The following RAD51B variants were observed in gnomAD, a reference collection of about 807,000 sequenced individuals.
The protein encoded by RAD51B is DNA repair protein RAD51 homolog 2.
In RAD51B, 38 loss-of-function variants were observed where a neutral mutation model predicts 42.2. That is an observed-to-expected ratio of 0.90 (90% CI 0.70 to 1.18). The LOEUF is 1.18. RAD51B is among the 50% of genes most tolerant of loss of function. The probability of loss-of-function intolerance (pLI) is 0.00; values close to 1 mark genes in which losing one functional copy is unlikely to be tolerated. For synonymous variants in RAD51B, 154 were observed against 145.2 expected (o/e 1.06, Z -0.43); for missense variants, 373 against 400.7 (o/e 0.93, Z 0.59).
chr14:68,408,798 T>C lies in RAD51B; in HGVS notation c.854-2626T>C, dbSNP rs111833858. ...AAGTTTTTTACAATTTTAAAATAAA[T>C]AAATAAGATGTGACTAACTATGAAC... On this transcript the variant is annotated intron_variant, in intron 8 of 10. Transcript: ENST00000471583. Among the ~76,000 whole-genome samples the C allele has an allele frequency of 3.3e-5, 5 of 152,240 alleles. 1 individual carries two copies. Among genetic ancestry groups the C allele is most frequent in the African/African-American group, 1.2e-4 (5 of 41,532 alleles).
intron 7 of RAD51B, among the ~76,000 whole-genome samples, chr14:68,098,129 T>C (rs2077226329): frequency 6.6e-6 from 1 of 152,254 alleles, no homozygotes; most frequent in Non-Finnish European, 1.5e-5. Context: ...ATCTAGGGGC[T>C]TTCTCTTAAT....
At chr14:68,395,392 A>C (rs941951191) in intron 8 of RAD51B, among the ~76,000 whole-genome samples, 1 of 152,180 alleles carries the variant, frequency 6.6e-6, no homozygotes, top group East Asian at 1.9e-4. Context: ...GTCTTTTGAT[A>C]GGGATAGGAA....
rs138775760 is a variant in RAD51B, at chr14:68,409,835, T to C, written c.854-1589T>C. On this transcript the variant is annotated intron_variant, in intron 8 of 10. Transcript: ENST00000471583. ...TGTGATCAGATCGGAACAATCTAGA[T>C]TATTTGTTTTCACATTAATTTGTGC... 5.9e-5 allele frequency among the ~76,000 whole-genome samples: 9 copies of C among 152,356 alleles called. No individual in the cohort carries two copies. In the East Asian group the frequency reaches 1.7e-3, roughly 29 times the overall value.
In RAD51B at chr14:68,452,826, G is replaced by A. The variant is rs145656244; in HGVS notation, c.958-15346G>A. On this transcript the variant is annotated intron_variant, in intron 9 of 10. Transcript: ENST00000471583. ...GCTATTGTGTTCATTTTAGAGATGA[G>A]GAAAGTAAGTCTTGAAGAGGTTAGA... 5.5e-4 allele frequency among the ~76,000 whole-genome samples: 83 copies of A among 152,272 alleles called. No individual in the cohort carries two copies. In the East Asian group the frequency reaches 0.014, roughly 25 times the overall value.
Position 68,262,400 on chromosome 14 carries a change from C to G in RAD51B, c.757-29484C>G, listed in dbSNP as rs73290234. Among the ~76,000 whole-genome samples, 5 of 152,278 alleles carry G rather than the reference C, an allele frequency of 3.3e-5. No homozygotes were observed. The South Asian group carries it at 1.0e-3, about 32-fold the overall frequency. ...CATTCCCTTCCCCTCTTCTCACCCA[C>G]CCTACCACTCCAAGGCAGAGTTTGT... On this transcript the variant is annotated intron_variant, in intron 7 of 10. Transcript: ENST00000471583.
chr14:68,167,323 ATAT>A (rs915027872), intron 7 of RAD51B, among the ~76,000 whole-genome samples: 1 of 152,156 alleles, frequency 6.6e-6, no homozygotes, highest in Non-Finnish European at 1.5e-5. Context: ...ACACTGTTTT[ATAT>A]TTTAAAACCT....
intron 7 of RAD51B, among the ~76,000 whole-genome samples, chr14:68,257,664 T>C (rs2080781853): frequency 6.6e-6 from 1 of 152,156 alleles, no homozygotes; most frequent in African/African-American, 2.4e-5. Flanking sequence ...TTTGCTAAGA[T>C]TGCGGGATTG....
intron 7 of RAD51B, among the ~76,000 whole-genome samples, chr14:68,114,538 C>T (rs576440528): frequency 3.3e-5 from 5 of 152,064 alleles, no homozygotes; most frequent in African/African-American, 1.2e-4. Context: ...ATATATAAAA[C>T]GTGCTAAAAT....
chr14:68,421,799 C>T, intron 9 of RAD51B: 2 of 1,598,970 alleles, frequency 1.3e-6, no homozygotes, highest in South Asian at 1.1e-5. Flanking sequence ...TGCCTTCTTT[C>T]ACTTTGCCAA....
chr14:67,928,795 C>A (rs190639736), intron 7 of RAD51B, among the ~76,000 whole-genome samples: 1 of 152,164 alleles, frequency 6.6e-6, no homozygotes, highest in East Asian at 1.9e-4. Flanking sequence ...CACCGAGAAC[C>A]TTTACCCTTT....
chr14:67,832,597 A>G (rs2041092337), intron 3 of RAD51B, among the ~76,000 whole-genome samples: 1 of 152,194 alleles, frequency 6.6e-6, no homozygotes, highest in African/African-American at 2.4e-5. Context: ...TGCGAAATGG[A>G]GATAATTATA....
intron 10 of RAD51B, among the ~76,000 whole-genome samples, chr14:68,534,134 G>A (rs1255812006): frequency 6.6e-6 from 1 of 152,244 alleles, no homozygotes; most frequent in Non-Finnish European, 1.5e-5. Flanking sequence ...TGGCTGGAAG[G>A]ATGAAAATGG....
At chr14:67,923,805 T>G (rs561641445) in intron 7 of RAD51B, among the ~76,000 whole-genome samples, 1 of 152,352 alleles carries the variant, frequency 6.6e-6, no homozygotes, top group East Asian at 1.9e-4. Flanking sequence ...ATCTCCACAT[T>G]GTTTTCCATA....
intron 7 of RAD51B, among the ~76,000 whole-genome samples, chr14:67,969,451 A>G (rs1325964262): frequency 2.0e-5 from 3 of 152,126 alleles, no homozygotes; most frequent in African/African-American, 4.8e-5. Flanking sequence ...TTGTTTATAT[A>G]TACATCTGGT....
At chr14:68,029,860 A>G (rs2076014079) in intron 7 of RAD51B, among the ~76,000 whole-genome samples, 1 of 152,224 alleles carries the variant, frequency 6.6e-6, no homozygotes. Flanking sequence ...TTGAAAGTTG[A>G]AATTAATCCT....
At chr14:68,596,261 A>C (rs140872327), downstream of RAD51B, among the ~76,000 whole-genome samples, 6 of 152,168 alleles carry the variant, frequency 3.9e-5, no homozygotes, top group African/African-American at 1.4e-4. Context: ...ATCGTACCCA[A>C]ACTTTTTTTT....
At chr14:67,858,150 G>C (rs1312100618) in intron 4 of RAD51B, 2 of 152,318 alleles carry the variant, frequency 1.3e-5, no homozygotes, top group Admixed American at 6.5e-5. Context: ...TAGCAGCTCA[G>C]TTGGCCCCTT....
At chr14:68,160,232 G>C (rs887616160) in intron 7 of RAD51B, among the ~76,000 whole-genome samples, 4 of 152,170 alleles carry the variant, frequency 2.6e-5, no homozygotes, top group Non-Finnish European at 4.4e-5. Flanking sequence ...TTAGAGCTAA[G>C]AAAGATCTTA....
chr14:68,481,827 T>A (rs951681334), downstream of RAD51B, among the ~76,000 whole-genome samples: 5 of 152,138 alleles, frequency 3.3e-5, no homozygotes, highest in African/African-American at 1.2e-4. Flanking sequence ...ACACACACAA[T>A]AGTAAAGAAC....
Sources: allele counts gnomAD v4.1 joint callset (sites outside exome capture counted in the v4.1 genomes callset), GRCh38; gene constraint gnomAD v4.1.1; transcripts MANE v1.5; gene names NCBI Gene and HGNC (gene_info 2026-07-23, HGNC 2026-07-21).